The following PLCL2 variants were observed in gnomAD, a reference collection of about 807,000 sequenced individuals.
PLCL2 encodes inactive phospholipase C-like protein 2.
Under a neutral mutation model 79.6 loss-of-function variants are expected in PLCL2, and 4 were observed. The ratio of observed to expected loss-of-function variants is 0.05; its 90% CI spans 0.02 to 0.11. The LOEUF is 0.11. Ranked by LOEUF, PLCL2 falls within the 10% of genes least tolerant of loss-of-function variation. The probability of loss-of-function intolerance (pLI) is 1.00; values close to 1 mark genes in which losing one functional copy is unlikely to be tolerated. For synonymous variants in PLCL2, 484 were observed against 457.7 expected (o/e 1.06, Z -0.73); for missense variants, 895 against 1,291.0 (o/e 0.69, Z 4.70).
Position 17,009,420 on chromosome 3 carries a change from C to A in PLCL2, c.328-254C>A, listed in dbSNP as rs1425691639. On this transcript the variant is annotated intron_variant, in intron 1 of 5. Transcript: ENST00000615277. The surrounding 1 kb of genome is among the most constrained non-coding windows in gnomAD (Gnocchi z 4.0). ...TATAGGTGTGAACCTCCGTCCCTGG[C>A]CTGAAATTGTTCTTCTTGATAAATA... Among the ~76,000 whole-genome samples, 2 of 152,112 alleles carry A rather than the reference C, an allele frequency of 1.3e-5. No individual in the cohort carries two copies. The highest frequency in any genetic ancestry group is 4.8e-5 in the African/African-American group (2 of 41,408).
intron 1 of PLCL2, among the ~76,000 whole-genome samples, chr3:16,904,307 A>C (rs911712544): frequency 3.7e-5 from 5 of 135,728 alleles, no homozygotes; most frequent in African/African-American, 5.9e-5. Context: ...AGATCTTGAC[A>C]AAAAAAAAAA....
intron 4 of PLCL2, among the ~76,000 whole-genome samples, chr3:17,048,388 A>G (rs529367158): frequency 1.3e-5 from 2 of 152,314 alleles, no homozygotes; most frequent in Admixed American, 6.5e-5. Flanking sequence ...CAGATGAACC[A>G]TGTAGCATGG....
chr3:16,913,153 C>A (rs115910097), intron 1 of PLCL2, among the ~76,000 whole-genome samples: 7,167 of 152,196 alleles, frequency 0.047, 238 homozygotes, highest in Admixed American at 0.11. Context: ...CAGTACTACT[C>A]TAGCATCTTC....
intron 5 of PLCL2, among the ~76,000 whole-genome samples, chr3:17,085,744 C>T (rs1339604217): frequency 3.3e-5 from 5 of 149,660 alleles, no homozygotes; most frequent in African/African-American, 9.7e-5. Context: ...CCACCATGCC[C>T]GGCCCAATTT....
At chr3:16,908,523 C>G (rs1479229380) in intron 1 of PLCL2, among the ~76,000 whole-genome samples, 1 of 152,150 alleles carries the variant, frequency 6.6e-6, no homozygotes, top group African/African-American at 2.4e-5. Flanking sequence ...TATAACATCC[C>G]TGGATTAGCT....
intron 1 of PLCL2, among the ~76,000 whole-genome samples, chr3:16,935,497 ATTTTCATTTT>A (rs1409803851): frequency 6.6e-6 from 1 of 151,970 alleles, no homozygotes; most frequent in Non-Finnish European, 1.5e-5. Flanking sequence ...ATTCACATTT[ATTTTCATTTT>A]TTACCTTCGG....
chr3:17,013,609 A>G (rs2064352585), intron 2 of PLCL2, among the ~76,000 whole-genome samples: 1 of 152,214 alleles, frequency 6.6e-6, no homozygotes, highest in Non-Finnish European at 1.5e-5. Flanking sequence ...ATTTAAAGCA[A>G]TATTAATAAA....
chr3:16,983,688 A>G (rs1352875987), intron 1 of PLCL2, among the ~76,000 whole-genome samples: 2 of 152,214 alleles, frequency 1.3e-5, no homozygotes, highest in African/African-American at 4.8e-5. Flanking sequence ...TGAGATGGTG[A>G]GAATTGTCCA....
At chr3:16,959,904 G>A (rs2063739759) in intron 1 of PLCL2, among the ~76,000 whole-genome samples, 1 of 152,126 alleles carries the variant, frequency 6.6e-6, no homozygotes, top group Non-Finnish European at 1.5e-5. Context: ...AGGGGATCAA[G>A]ACCATCCTGG....
intron 1 of PLCL2, among the ~76,000 whole-genome samples, chr3:16,976,848 T>C (rs1030998165): frequency 2.6e-5 from 4 of 152,220 alleles, no homozygotes; most frequent in Non-Finnish European, 5.9e-5. Context: ...TTTGGGTGGC[T>C]GACCTGTCAT....
At chr3:16,899,539 A>G (rs1213833997) in intron 1 of PLCL2, among the ~76,000 whole-genome samples, 4 of 151,952 alleles carry the variant, frequency 2.6e-5, no homozygotes, top group Admixed American at 6.6e-5. Flanking sequence ...TCGGGTCTGC[A>G]CCTCTGCTTG....
intron 5 of PLCL2, among the ~76,000 whole-genome samples, chr3:17,087,600 CA>C (rs1440839032): frequency 2.6e-5 from 4 of 152,072 alleles, no homozygotes; most frequent in African/African-American, 9.7e-5. Context: ...ATACATTTTT[CA>C]AAACCCATGG....
chr3:17,081,225 A>G (rs1215169232), intron 5 of PLCL2: 2 of 456,772 alleles, frequency 4.4e-6, no homozygotes, highest in Admixed American at 4.7e-5. Flanking sequence ...TTTGTGCCTC[A>G]GACTCCCATA....
At position 17,010,934 on chromosome 3, in the gene PLCL2, G is replaced by T. The variant is rs1003825474; in HGVS notation, c.1588G>T (p.Val530Leu). The T allele has an allele frequency of 2.5e-6, 4 of 1,614,116 alleles. No individual in the cohort carries two copies. The highest frequency in any genetic ancestry group is 3.4e-6 in the Non-Finnish European group (4 of 1,180,000). Residue 530 changes from valine to leucine, a missense_variant, in exon 2 of 6, where the codon GTA (valine) becomes TTA (leucine). Val to Leu is a conservative substitution (Grantham distance 32). Around this residue, in one of 6 missense-constraint regions of PLCL2, gnomAD observed 242 missense variants for 399.5 expected, o/e 0.61. Coordinates refer to ENST00000615277, the MANE Select transcript of PLCL2 (RefSeq NM_001144382.2). The surrounding 1 kb of genome is among the most constrained non-coding windows in gnomAD (Gnocchi z 5.8). ...ENHCSIKQQKVMVQHMKKLLG... is the reference protein window; with the variant it reads ...ENHCSIKQQKLMVQHMKKLLG... ...CCACTGTTCCATTAAACAACAGAAGGTAATGGTTCAGCACATGAAGAAACT... is the reference window on the plus strand; with the variant it reads ...CCACTGTTCCATTAAACAACAGAAGTTAATGGTTCAGCACATGAAGAAACT...
At chr3:17,081,660 G>A (rs531837901) in intron 5 of PLCL2, 1 of 161,200 alleles carries the variant, frequency 6.2e-6, no homozygotes, top group South Asian at 1.7e-4. Context: ...GCCGAGGGTT[G>A]AGCACAGCTG....
At chr3:16,993,980 T>C (rs561312501) in intron 1 of PLCL2, among the ~76,000 whole-genome samples, 1 of 152,312 alleles carries the variant, frequency 6.6e-6, no homozygotes, top group South Asian at 2.1e-4. Context: ...GTGAAATTAA[T>C]TGTACATTTA....
intron 5 of PLCL2, among the ~76,000 whole-genome samples, chr3:17,073,631 T>G (rs1193386525): frequency 6.6e-6 from 1 of 152,358 alleles, no homozygotes; most frequent in Non-Finnish European, 1.5e-5. Flanking sequence ...GTAGAACTTC[T>G]TTGAAAATCA....
intron 5 of PLCL2, among the ~76,000 whole-genome samples, chr3:17,088,572 A>G (rs1033717880): frequency 1.3e-5 from 2 of 152,224 alleles, no homozygotes; most frequent in African/African-American, 4.8e-5. Flanking sequence ...ATTTACAGCA[A>G]TAGAGCACCA....
chr3:17,014,972 G>A (rs2064368708), intron 3 of PLCL2, 61 bp downstream of exon 3: 2 of 1,342,044 alleles, frequency 1.5e-6, no homozygotes, highest in East Asian at 2.3e-5. Context: ...AGACAACACA[G>A]CAGACATACT....
Sources: gnomAD v4.1 joint callset for allele counts (sites outside exome capture counted in the v4.1 genomes callset) on GRCh38, gnomAD v4.1.1 for gene constraint, gnomAD v4.1.1 regional missense constraint, Gnocchi (gnomAD v3.1) non-coding constraint, MANE v1.5 for transcripts, NCBI Gene and HGNC (gene_info 2026-07-23, HGNC 2026-07-21) for gene names.